SH3PXD2B: variants seen among roughly 807,000 people sequenced by gnomAD.
SH3PXD2B encodes the protein SH3 and PX domain-containing protein 2B.
A neutral mutation model predicts 73.1 loss-of-function variants in SH3PXD2B; 37 were observed. The observed-to-expected ratio is 0.51, with a 90% CI of 0.39 to 0.67. The LOEUF (loss-of-function observed/expected upper bound fraction) is 0.67. SH3PXD2B is among the 30% of genes least tolerant of loss of function. The probability of loss-of-function intolerance (pLI) is 0.00; values close to 1 mark genes in which losing one functional copy is unlikely to be tolerated. For synonymous variants in SH3PXD2B, 457 were observed against 480.5 expected (o/e 0.95, Z 0.64); for missense variants, 1,053 against 1,197.8 (o/e 0.88, Z 1.78).
At position 172,336,856 on chromosome 5, in the gene SH3PXD2B, G is replaced by A. The variant is rs544568670; in HGVS notation, c.*1513C>T. On this transcript the variant is annotated 3_prime_UTR_variant, in exon 13 of 13. Transcript: ENST00000311601. ...TGCCTCTCCAGACCTCAGTTTGACA[G>A]ATGACCACATCTGCCCTGGGTTTCT... 2.0e-4 allele frequency: 201 copies of A among 985,472 alleles called. 1 individual carries two copies. In the African/African-American group the frequency reaches 3.4e-3, roughly 17 times the overall value. 61.0% of individuals were successfully genotyped at this position (985,472 alleles called of 1,614,324 possible). A position where few individuals can be genotyped will look rare whatever the true frequency, so the allele number is the denominator to read the frequency against.
At chr5:172,370,477 A>G (rs1318403175) in intron 6 of SH3PXD2B, among the ~76,000 whole-genome samples, 1 of 152,224 alleles carries the variant, frequency 6.6e-6, no homozygotes, top group African/African-American at 2.4e-5. Flanking sequence ...TAAGCAAGAC[A>G]GAGAGCCAGG....
chr5:172,331,709 T>C (rs1390198306), downstream of SH3PXD2B, among the ~76,000 whole-genome samples: 2 of 152,204 alleles, frequency 1.3e-5, no homozygotes, highest in African/African-American at 4.8e-5. Flanking sequence ...CCCAGCACTT[T>C]GGGAGGCCAA....
intron 1 of SH3PXD2B, 65 bp downstream of exon 1, chr5:172,454,213 G>C (rs896870348): frequency 4.9e-6 from 7 of 1,422,676 alleles, no homozygotes; most frequent in Middle Eastern, 1.8e-4. Context: ...TTCCAAGCCG[G>C]GGGCCCTCGG....
chr5:172,351,646 T>C (rs1757160810), intron 9 of SH3PXD2B, among the ~76,000 whole-genome samples: 1 of 152,172 alleles, frequency 6.6e-6, no homozygotes, highest in African/African-American at 2.4e-5. Context: ...GGAGAGCTGG[T>C]TGTTAAACAT....
At position 172,337,775 on chromosome 5, in the gene SH3PXD2B, C is replaced by T; in HGVS notation, c.*594G>A. Reference sequence around the variant, plus strand: ...AGGCCCACTCCTGGGGGAGCCGCATCCAGTGGAACCTCAGAGGCCCACGGG... The same window carrying T: ...AGGCCCACTCCTGGGGGAGCCGCATTCAGTGGAACCTCAGAGGCCCACGGG... On this transcript the variant is annotated 3_prime_UTR_variant, in exon 13 of 13. Coordinates refer to ENST00000311601, the MANE Select transcript of SH3PXD2B (RefSeq NM_001017995.3). 1.0e-6 allele frequency: 1 copy of T among 995,618 alleles called. No homozygotes were observed. Among genetic ancestry groups the T allele is most frequent in the Non-Finnish European group, 1.2e-6 (1 of 835,862 alleles). 61.7% of individuals were successfully genotyped at this position (995,618 alleles called of 1,614,324 possible).
At chr5:172,439,264 CA>C (rs1212630397) in intron 1 of SH3PXD2B, among the ~76,000 whole-genome samples, 1 of 45,770 alleles carries the variant, frequency 2.2e-5, no homozygotes, top group Non-Finnish European at 4.9e-5. Flanking sequence ...AAAAAAAAAA[CA>C]AAAACAAAAA....
intron 6 of SH3PXD2B, among the ~76,000 whole-genome samples, chr5:172,372,337 C>T (rs1757724475): frequency 6.6e-6 from 1 of 152,016 alleles, no homozygotes; most frequent in Non-Finnish European, 1.5e-5. Context: ...CACTGCCCCT[C>T]TCTCTCTTGG....
At chr5:172,381,722 T>C (rs1038641289) in intron 5 of SH3PXD2B, among the ~76,000 whole-genome samples, 1 of 152,188 alleles carries the variant, frequency 6.6e-6, no homozygotes, top group South Asian at 2.1e-4. Flanking sequence ...GGACAGAAGC[T>C]AGATGAATCT....
At chr5:172,432,277 C>T (rs1183244725) in intron 1 of SH3PXD2B, among the ~76,000 whole-genome samples, 1 of 152,144 alleles carries the variant, frequency 6.6e-6, no homozygotes, top group East Asian at 1.9e-4. Flanking sequence ...TGAAGCTTCT[C>T]CATAGGCACA....
downstream of SH3PXD2B, among the ~76,000 whole-genome samples, chr5:172,329,333 C>T (rs898873232): frequency 1.3e-5 from 2 of 150,900 alleles, no homozygotes; most frequent in Non-Finnish European, 2.9e-5. Flanking sequence ...ATCCGATCAC[C>T]TCAGCCTCCC....
intron 1 of SH3PXD2B, among the ~76,000 whole-genome samples, chr5:172,427,709 C>T (rs185435911): frequency 1.1e-4 from 16 of 151,054 alleles, no homozygotes; most frequent in African/African-American, 3.4e-4. Context: ...AAAGTTCTGG[C>T]GATGGATGGT....
At chr5:172,368,852 A>C (rs867342787) in intron 6 of SH3PXD2B, among the ~76,000 whole-genome samples, 17 of 130,824 alleles carry the variant, frequency 1.3e-4, no homozygotes, top group Non-Finnish European at 1.9e-4. Context: ...CATAATATAT[A>C]GTATATATAT....
At chr5:172,425,293 G>A (rs1049748940) in intron 1 of SH3PXD2B, among the ~76,000 whole-genome samples, 7 of 152,160 alleles carry the variant, frequency 4.6e-5, no homozygotes, top group Admixed American at 4.6e-4. Context: ...ACTATGGGGA[G>A]CAAGGCAGAC....
intron 2 of SH3PXD2B, among the ~76,000 whole-genome samples, chr5:172,412,118 C>G (rs1758715339): frequency 1.3e-5 from 2 of 152,224 alleles, no homozygotes; most frequent in South Asian, 4.1e-4. Flanking sequence ...CAAGCTCCAT[C>G]CATTTTATAG....
chr5:172,370,137 CCCTT>C (rs1329206118), intron 6 of SH3PXD2B, among the ~76,000 whole-genome samples: 3 of 152,016 alleles, frequency 2.0e-5, no homozygotes, highest in Admixed American at 1.3e-4. Context: ...CTTCTAGAAA[CCCTT>C]CCTCCTCTAC....
At chr5:172,366,932 A>ATTTTTGTTTT (rs1757540724) in intron 6 of SH3PXD2B, among the ~76,000 whole-genome samples, 1 of 75,094 alleles carries the variant, frequency 1.3e-5, no homozygotes, top group Non-Finnish European at 2.5e-5. Context: ...GTGCCCGGCC[A>ATTTTTGTTTT]TTTTTTTTTT....
chr5:172,432,849 T>C (rs567578105), intron 1 of SH3PXD2B, among the ~76,000 whole-genome samples: 64 of 142,650 alleles, frequency 4.5e-4, no homozygotes, highest in African/African-American at 1.6e-3. Context: ...GAGGCGGAGA[T>C]TGTAGTGAGC....
In SH3PXD2B at chr5:172,338,238, CAAG is replaced by C. The variant is rs763558314; in HGVS notation, c.*128_*130del. On this transcript the variant is annotated 3_prime_UTR_variant, in exon 13 of 13. Transcript: ENST00000311601. This position sits in a 1 kb window ranked among gnomAD's most constrained non-coding sequence, Gnocchi z 5.1. The stretch of plus-strand genomic sequence containing the variant: ...AAACTCACTCTCCACCCATGGGAGG[CAAG>C]AAGTCACAGTACCCCAGAGTCTGTC... The C allele has an allele frequency of 4.8e-5, 75 of 1,563,040 alleles. No individual in the cohort carries two copies. Among genetic ancestry groups the C allele is most frequent in the Non-Finnish European group, 6.1e-5 (71 of 1,155,914 alleles).
chr5:172,437,425 G>C (rs1759419237), intron 1 of SH3PXD2B, among the ~76,000 whole-genome samples: 2 of 152,328 alleles, frequency 1.3e-5, no homozygotes, highest in South Asian at 4.1e-4. Flanking sequence ...GTGCTGAAGG[G>C]GGAGAGGAGG....
Sources: gnomAD v4.1 joint callset for allele counts (sites outside exome capture counted in the v4.1 genomes callset) on GRCh38, gnomAD v4.1.1 for gene constraint, Gnocchi (gnomAD v3.1) non-coding constraint, MANE v1.5 for transcripts, NCBI Gene and HGNC (gene_info 2026-07-23, HGNC 2026-07-21) for gene names.